EP400: variants seen among roughly 807,000 people sequenced by gnomAD.
EP400 encodes E1A-binding protein p400.
A neutral mutation model predicts 354.1 loss-of-function variants in EP400; 105 were observed. That is an observed-to-expected ratio of 0.30 (90% confidence interval 0.25 to 0.35). The LOEUF (loss-of-function observed/expected upper bound fraction) is 0.35. EP400 is among the 10% of genes least tolerant of loss of function. The probability of loss-of-function intolerance (pLI) is 1.00; values close to 1 mark genes in which losing one functional copy is unlikely to be tolerated. For missense variants in EP400, 3,280 were observed against 4,121.0 expected (o/e 0.80, Z 5.59); for synonymous variants, 1,646 against 1,716.9 (o/e 0.96, Z 1.02).
intron 19 of EP400, among the ~76,000 whole-genome samples, chr12:132,014,796 G>C (rs1157404622): frequency 6.6e-6 from 1 of 152,184 alleles, no homozygotes; most frequent in Non-Finnish European, 1.5e-5. Context: ...GATGACATGG[G>C]GACCCTGATG....
At position 132,054,148 on chromosome 12, in the gene EP400, G is replaced by A. The variant is rs916497538; in HGVS notation, c.7728+551G>A. Among the ~76,000 whole-genome samples, 1 of 152,232 alleles carries A rather than the reference G, an allele frequency of 6.6e-6. No homozygotes were observed. Among genetic ancestry groups the A allele is most frequent in the African/African-American group, 2.4e-5 (1 of 41,452 alleles). On this transcript the variant is annotated intron_variant, in intron 43 of 52. Coordinates refer to ENST00000389561, the MANE Select transcript of EP400 (RefSeq NM_015409.5). This position sits in a 1 kb window ranked among gnomAD's most constrained non-coding sequence, Gnocchi z 4.0. ...GTGTATCTCTGTACTGTGTGCGTCC[G>A]TGTGCCACACAGACGCTGAAATCAT...
At position 132,021,122 on chromosome 12, in the gene EP400, T is replaced by C; in HGVS notation, c.4491T>C (p.Ala1497=). Residue 1497 remains alanine (A), a synonymous_variant, in exon 23 of 53, where the codon GCT becomes GCC. Coordinates refer to ENST00000389561, the MANE Select transcript of EP400 (RefSeq NM_015409.5). ...PFQTSQASAS[A]PRHQPASASS... is the part of the protein sequence containing the mutation. The stretch of plus-strand genomic sequence containing the variant: ...AGACCTCTCAGGCTTCCGCCAGTGC[T>C]CCACGACACCAGCCCGCCTCGGCCT... 6.2e-7 allele frequency: 1 copy of C among 1,600,268 alleles called. No individual in the cohort carries two copies. Among genetic ancestry groups the C allele is most frequent in the South Asian group, 1.1e-5 (1 of 91,026 alleles).
intron 9 of EP400, 111 bp from the exon 10 acceptor site, chr12:131,991,296 C>G: frequency 1.9e-6 from 2 of 1,035,460 alleles, no homozygotes; most frequent in South Asian, 1.3e-5. Flanking sequence ...CTCACGCGTC[C>G]TTCCTTTCCC....
chr12:131,961,981 G>T, intron 2 of EP400, 27 bp downstream of exon 2: 2 of 1,586,938 alleles, frequency 1.3e-6, no homozygotes, highest in Non-Finnish European at 1.7e-6. Flanking sequence ...AATTTGTTTA[G>T]TACAAATCTT....
chr12:132,006,396 T>G, intron 14 of EP400, 94 bp downstream of exon 14: 1 of 1,405,156 alleles, frequency 7.1e-7, no homozygotes, highest in East Asian at 2.4e-5. Flanking sequence ...CCCAGTGAAA[T>G]GGTCTATCCC....
intron 33 of EP400, 73 bp downstream of exon 33, chr12:132,043,535 T>G (rs1182081538): frequency 1.9e-6 from 3 of 1,582,180 alleles, no homozygotes; most frequent in Non-Finnish European, 2.6e-6. Flanking sequence ...TATTGTTTAC[T>G]GCAAGAAAAA....
At chr12:132,023,267 G>A (rs910539378) in intron 23 of EP400, among the ~76,000 whole-genome samples, 15 of 145,256 alleles carry the variant, frequency 1.0e-4, no homozygotes, top group Non-Finnish European at 1.6e-4. Flanking sequence ...TGTGTAGCTC[G>A]GATTACAGGC....
intron 39 of EP400, among the ~76,000 whole-genome samples, chr12:132,047,034 C>G (rs1416353485): frequency 6.6e-6 from 1 of 152,222 alleles, no homozygotes; most frequent in African/African-American, 2.4e-5. Context: ...ACTTTTGTTC[C>G]TAATTTGTGA....
In EP400 at chr12:131,990,550, C is replaced by A; in HGVS notation, c.2551-86C>A. On this transcript the variant is annotated intron_variant, in intron 8 of 52. Coordinates refer to ENST00000389561, the MANE Select transcript of EP400 (RefSeq NM_015409.5). This position sits in a 1 kb window ranked among gnomAD's most constrained non-coding sequence, Gnocchi z 4.2. ...TGGAAAACACTGTTTTCAGACTCTGCTTATGTGCTTTAGTGTTTTGTATGC... is the reference window on the plus strand; with the variant it reads ...TGGAAAACACTGTTTTCAGACTCTGATTATGTGCTTTAGTGTTTTGTATGC... 1 of 1,006,454 alleles carries A rather than the reference C, an allele frequency of 9.9e-7. No homozygotes were observed. The highest frequency in any genetic ancestry group is 1.5e-6 in the Non-Finnish European group (1 of 668,124). 62.3% of individuals were successfully genotyped at this position (1,006,454 alleles called of 1,614,324 possible).
At chr12:132,019,714 C>T (rs1379067400) in intron 21 of EP400, among the ~76,000 whole-genome samples, 1 of 152,166 alleles carries the variant, frequency 6.6e-6, no homozygotes, top group African/African-American at 2.4e-5. Flanking sequence ...CTCCCCTCAG[C>T]CCTTGTGCTG....
intron 51 of EP400, chr12:132,076,279 A>C (rs978417536): frequency 9.6e-5 from 57 of 592,052 alleles, no homozygotes; most frequent in Non-Finnish European, 1.4e-4. Context: ...ATATGAGACC[A>C]AAAATAAGCT....
intron 2 of EP400, among the ~76,000 whole-genome samples, chr12:131,962,934 A>G (rs180935444): frequency 6.6e-6 from 1 of 152,316 alleles, no homozygotes; most frequent in Non-Finnish European, 1.5e-5. Context: ...ACTGGTATCT[A>G]TGGATGTATT....
chr12:132,012,198 A>G (rs1186585384), intron 16 of EP400, among the ~76,000 whole-genome samples: 1 of 152,250 alleles, frequency 6.6e-6, no homozygotes, highest in Non-Finnish European at 1.5e-5. Flanking sequence ...GTTTACTGAA[A>G]AAGTGAGCTT....
intron 30 of EP400, among the ~76,000 whole-genome samples, chr12:132,036,602 A>G (rs1000987786): frequency 6.6e-6 from 1 of 152,288 alleles, no homozygotes; most frequent in African/African-American, 2.4e-5. Context: ...GCACACTGTC[A>G]CACGTGCAGC....
At chr12:131,987,103 G>A (rs1391934106) in intron 6 of EP400, among the ~76,000 whole-genome samples, 1 of 152,172 alleles carries the variant, frequency 6.6e-6, no homozygotes, top group African/African-American at 2.4e-5. Context: ...AAGCTTGAGC[G>A]CTGGGGCCCT....
rs745856318 is a variant in EP400, at chr12:131,990,760, G to A, written c.2629+46G>A. On this transcript the variant is annotated intron_variant, in intron 9 of 52. Transcript: ENST00000389561. The surrounding 1 kb of genome is among the most constrained non-coding windows in gnomAD (Gnocchi z 4.2). ...GCTCACCACGCTTGGGTGGTATTTT[G>A]TTCGGATTCTTTTCTCAGCAGGCAG... 6.9e-7 allele frequency: 1 copy of A among 1,438,954 alleles called. No individual in the cohort carries two copies. Among genetic ancestry groups the A allele is most frequent in the Non-Finnish European group, 9.6e-7 (1 of 1,037,320 alleles). The allele number at this position is 1,438,954 out of a possible 1,614,324, so 89.1% of individuals were successfully genotyped here.
At chr12:131,972,342 A>G (rs1892316999) in intron 2 of EP400, among the ~76,000 whole-genome samples, 1 of 151,732 alleles carries the variant, frequency 6.6e-6, no homozygotes, top group African/African-American at 2.4e-5. Flanking sequence ...TTTAGTAGAG[A>G]CGGGGCTTCA....
chr12:132,018,210 G>T lies in EP400; in HGVS notation c.4111G>T (p.Glu1371Ter). 1 of 1,608,536 alleles carries T rather than the reference G, an allele frequency of 6.2e-7. No individual in the cohort carries two copies. Among genetic ancestry groups the T allele is most frequent in the Non-Finnish European group, 8.5e-7 (1 of 1,178,658 alleles). ...AGACTTTTTTTCTTTTTCTCTCTAG[G>T]AAGCAGATCTTTCTATGTTTGATCT... is the stretch of plus-strand genomic sequence containing the variant. ...LKALERDFWKEADLSMFDLIG... is the reference protein window; with the variant it reads ...LKALERDFWK The change falls in exon 21 of 53, where the codon GAA (glutamate) becomes TAA (stop). Residue 1371 changes from glutamate (E) to a stop codon, truncating the protein, a stop_gained and splice_region_variant. Coordinates refer to ENST00000389561, the MANE Select transcript of EP400 (RefSeq NM_015409.5). LOFTEE classifies it high-confidence loss of function. This position sits in a 1 kb window ranked among gnomAD's most constrained non-coding sequence, Gnocchi z 4.0.
At chr12:132,023,615 A>G (rs1565919390) in intron 23 of EP400, among the ~76,000 whole-genome samples, 162 bp from the exon 24 acceptor site, 1 of 152,154 alleles carries the variant, frequency 6.6e-6, no homozygotes, top group Admixed American at 6.5e-5. Flanking sequence ...AATTAAAATA[A>G]TTATTTTTAA....
Sources: gnomAD v4.1 joint callset for allele counts (sites outside exome capture counted in the v4.1 genomes callset) on GRCh38, gnomAD v4.1.1 for gene constraint, Gnocchi (gnomAD v3.1) non-coding constraint, MANE v1.5 for transcripts, NCBI Gene and HGNC (gene_info 2026-07-23, HGNC 2026-07-21) for gene names.